AACS: variants seen among roughly 807,000 people sequenced by gnomAD.
AACS encodes acetoacetate-CoA ligase.
AACS carries 69 observed loss-of-function variants against 83.1 expected under a neutral mutation model. The ratio of observed to expected loss-of-function variants is 0.83; its 90% CI spans 0.68 to 1.01. AACS has a LOEUF of 1.01. Among genes scored for constraint, AACS ranks in the 50% least tolerant of loss-of-function variants. AACS has a pLI of 0.00. For synonymous variants in AACS, 333 were observed against 343.4 expected (o/e 0.97, Z 0.33); for missense variants, 866 against 882.2 (o/e 0.98, Z 0.23).
intron 3 of AACS, among the ~76,000 whole-genome samples, chr12:125,083,019 T>C (rs1172209808): frequency 6.6e-6 from 1 of 152,240 alleles, no homozygotes; most frequent in Non-Finnish European, 1.5e-5. Flanking sequence ...TATCTTTCCA[T>C]GTCATAGATT....
chr12:125,103,215 C>G (rs1956755704), intron 7 of AACS, 134 bp downstream of exon 7: 4 of 713,350 alleles, frequency 5.6e-6, no homozygotes, highest in Admixed American at 5.6e-5. Flanking sequence ...TTAAAAGCAT[C>G]ATTTTGTAGA....
In AACS at chr12:125,065,711, G is replaced by T. The variant is rs1955671504; in HGVS notation, c.127G>T (p.Ala43Ser). The T allele has an allele frequency of 6.5e-7, 1 of 1,536,634 alleles. No individual in the cohort carries two copies. Among genetic ancestry groups the T allele is most frequent in the Non-Finnish European group, 8.8e-7 (1 of 1,141,150 alleles). The stretch of plus-strand genomic sequence containing the variant: ...GGCTGTGGGCGCCGCCTGCGGCCTG[G>T]CGCTGGGTGAGAGTCGGGCGCGCGG... The part of the protein sequence containing the change: ...RAAVGAACGL[A>S]LESYDDLYHW... Residue 43 changes from alanine (A) to serine (S), a missense_variant, in exon 1 of 18, where the codon GCG (alanine) becomes TCG (serine). Ala to Ser is a moderately conservative substitution (Grantham distance 99). Transcript: ENST00000316519.
chr12:125,077,003 G>C (rs184169732), intron 3 of AACS, among the ~76,000 whole-genome samples: 5 of 151,918 alleles, frequency 3.3e-5, no homozygotes, highest in Admixed American at 1.3e-4. Flanking sequence ...AATCTCCCAG[G>C]CTCAAGCAAT....
chr12:125,103,124 T>A, intron 7 of AACS, 43 bp downstream of exon 7: 11 of 1,546,120 alleles, frequency 7.1e-6, no homozygotes, highest in African/African-American at 1.4e-5. Flanking sequence ...GTGGACCCAC[T>A]GGAGCTCCTG....
In AACS at chr12:125,142,198, ACCGGGACAT is replaced by A. The variant is rs1241923064; in HGVS notation, c.1991_1999del (p.Arg664_Ile666del). 12 of 1,614,008 alleles carry A rather than the reference ACCGGGACAT, an allele frequency of 7.4e-6. No homozygotes were observed. Among genetic ancestry groups the A allele is most frequent in the Non-Finnish European group, 1.0e-5 (12 of 1,179,914 alleles). On this transcript the variant is annotated inframe_deletion, in exon 18 of 18. Coordinates refer to ENST00000316519, the MANE Select transcript of AACS (RefSeq NM_023928.5). Reference sequence around the variant, plus strand: ...TCGAACCCCGAGACCCTGGATCTGTACCGGGACATCCCTGAGCTGCAGGGCTTCTGAGTC... The same window carrying A: ...TCGAACCCCGAGACCCTGGATCTGTACCCTGAGCTGCAGGGCTTCTGAGTC...
intron 5 of AACS, 43 bp from the exon 6 acceptor site, chr12:125,102,636 G>C: frequency 6.3e-7 from 1 of 1,578,710 alleles, no homozygotes; most frequent in Non-Finnish European, 8.7e-7. Context: ...GCTGGTTTTT[G>C]CCTTTTGGAT....
chr12:125,086,205 C>A, intron 3 of AACS, 125 bp from the exon 4 acceptor site: 1 of 760,508 alleles, frequency 1.3e-6, no homozygotes, highest in Non-Finnish European at 2.2e-6. Context: ...TTCCCTGCGT[C>A]TGTTTTCCCT....
chr12:125,095,193 G>A (rs1956581327), intron 5 of AACS, among the ~76,000 whole-genome samples: 1 of 152,202 alleles, frequency 6.6e-6, no homozygotes, highest in African/African-American at 2.4e-5. Flanking sequence ...CTGTCCTCGA[G>A]CAGCTCTCCT....
chr12:125,083,063 T>C (rs1397329965), intron 3 of AACS, among the ~76,000 whole-genome samples: 5 of 152,242 alleles, frequency 3.3e-5, no homozygotes. Context: ...AAACATTTCT[T>C]ACCTCCCAGT....
chr12:125,069,022 A>G (rs1955783953), intron 1 of AACS, among the ~76,000 whole-genome samples: 1 of 151,872 alleles, frequency 6.6e-6, no homozygotes, highest in Non-Finnish European at 1.5e-5. Flanking sequence ...TTGTATTTTT[A>G]GTAGACACGG....
intron 3 of AACS, chr12:125,078,115 C>T (rs1956075892): frequency 2.2e-6 from 1 of 456,278 alleles, no homozygotes; most frequent in South Asian, 1.5e-5. Context: ...AGAAACCAAA[C>T]CACTGGAAAC....
intron 3 of AACS, among the ~76,000 whole-genome samples, chr12:125,079,008 C>A (rs1956100646): frequency 2.6e-5 from 4 of 152,148 alleles, no homozygotes; most frequent in Middle Eastern, 6.8e-3. Context: ...CTGTTTTAGA[C>A]AGGGCTGCCA....
chr12:125,096,910 T>C (rs1592967837), intron 5 of AACS, among the ~76,000 whole-genome samples: 1 of 151,678 alleles, frequency 6.6e-6, no homozygotes, highest in South Asian at 2.1e-4. Context: ...GTCTAGGGGG[T>C]GAAGACTTCT....
Position 125,142,396 on chromosome 12 carries a change from C to G in AACS, c.*167C>G. On this transcript the variant is annotated 3_prime_UTR_variant, in exon 18 of 18. Transcript: ENST00000316519. The stretch of plus-strand genomic sequence containing the variant: ...TCTGTTTTGTTAAATCTGGTGGGTA[C>G]CTGGATCTTCCACACGAGTGGGATT... 1 of 941,864 alleles carries G rather than the reference C, an allele frequency of 1.1e-6. No individual in the cohort carries two copies. The highest frequency in any genetic ancestry group is 1.5e-6 in the Non-Finnish European group (1 of 650,318). 58.3% of individuals were successfully genotyped at this position (941,864 alleles called of 1,614,324 possible).
chr12:125,097,685 TC>T lies in AACS; in HGVS notation c.571-4989del, dbSNP rs1956637698. On this transcript the variant is annotated intron_variant, in intron 5 of 17. Coordinates refer to ENST00000316519, the MANE Select transcript of AACS (RefSeq NM_023928.5). The surrounding 1 kb of genome is among the most constrained non-coding windows in gnomAD (Gnocchi z 4.3). Reference sequence around the variant, plus strand: ...ATCCTGAGAGCACTTCAGCCTTCCTTCCCCCTGTCCAGTCAGCACTGGCGGG... The same window carrying T: ...ATCCTGAGAGCACTTCAGCCTTCCTTCCCCTGTCCAGTCAGCACTGGCGGG... 6.6e-6 allele frequency among the ~76,000 whole-genome samples: 1 copy of T among 151,898 alleles called. No individual in the cohort carries two copies. The highest frequency in any genetic ancestry group is 1.5e-5 in the Non-Finnish European group (1 of 67,974).
chr12:125,095,315 T>G (rs1199693154), intron 5 of AACS, among the ~76,000 whole-genome samples: 3 of 152,186 alleles, frequency 2.0e-5, no homozygotes, highest in African/African-American at 7.2e-5. Flanking sequence ...TTCATGGGGC[T>G]AGGGGCCAGA....
chr12:125,093,402 G>T (rs1956532680), intron 5 of AACS, among the ~76,000 whole-genome samples: 1 of 152,228 alleles, frequency 6.6e-6, no homozygotes, highest in South Asian at 2.1e-4. Flanking sequence ...TCTCACAGCT[G>T]CATCCAGCCT....
rs201757882 is a variant in AACS, at chr12:125,076,656, T to C, written c.358+45T>C. On this transcript the variant is annotated intron_variant, in intron 3 of 17. Transcript: ENST00000316519. ...CCTGGGATTTCCTCCGTGGAAGTTC[T>C]AGATGGTGCATGCATGCGGTGCCAC... 1,185 of 1,611,632 alleles carry C rather than the reference T, an allele frequency of 7.4e-4. 17 individuals carry two copies. The South Asian group carries it at 0.012, about 17-fold the overall frequency.
chr12:125,068,903 G>A (rs946060665), intron 1 of AACS, among the ~76,000 whole-genome samples: 25 of 150,626 alleles, frequency 1.7e-4, no homozygotes, highest in African/African-American at 5.4e-4. Flanking sequence ...GTGGTGGCGC[G>A]ATCTCGGCTT....
Sources: allele counts gnomAD v4.1 joint callset (sites outside exome capture counted in the v4.1 genomes callset), GRCh38; gene constraint gnomAD v4.1.1; non-coding constraint Gnocchi (gnomAD v3.1); transcripts MANE v1.5; gene names NCBI Gene and HGNC (gene_info 2026-07-23, HGNC 2026-07-21).